The following IDUA variants were observed in gnomAD, a reference collection of about 807,000 sequenced individuals.
The protein encoded by IDUA is alpha-L-iduronidase, also known as iduronidase alpha-L-.
Under a neutral mutation model 68.9 loss-of-function variants are expected in IDUA, and 65 were observed. The observed-to-expected ratio is 0.94, with a 90% CI of 0.77 to 1.16. The LOEUF is 1.16. Among genes scored for constraint, IDUA ranks in the 50% most tolerant of loss-of-function variants. The pLI, the probability that IDUA is intolerant of heterozygous loss-of-function variation, is 0.00. For synonymous variants in IDUA, 529 were observed against 433.6 expected, an observed-to-expected ratio of 1.22 and a Z score of -2.73; for missense variants, 1,046 against 938.0, an observed-to-expected ratio of 1.12 and a Z score of -1.50.
intron 2 of IDUA, chr4:988,636 T>G: frequency 7.2e-7 from 1 of 1,382,016 alleles, no homozygotes; most frequent in East Asian, 2.7e-5. Flanking sequence ...GTTCTTGATT[T>G]CTGAGTGTTT....
chr4:990,511 C>A (rs986985565), intron 2 of IDUA: 3 of 752,544 alleles, frequency 4.0e-6, no homozygotes, highest in Non-Finnish European at 6.3e-6. Context: ...CCAGACTCCT[C>A]ACACGGGCCT....
chr4:1,000,653 T>G lies in IDUA; in HGVS notation c.341T>G (p.Leu114Arg), dbSNP rs775542391. The G allele has an allele frequency of 1.9e-6, 3 of 1,612,642 alleles. No individual in the cohort carries two copies. In the African/African-American group the frequency reaches 4.0e-5, roughly 22 times the overall value. Residue 114 changes from leucine (L) to arginine (R), a missense_variant, in exon 3 of 14, where the codon CTG (leucine) becomes CGG (arginine). Physicochemically the swap from Leu to Arg is moderately radical, Grantham distance 102. Transcript: ENST00000514224. ...GGCCTGAGCTACAACTTCACCCACC[T>G]GGACGGGTACCTGGACCTTCTCAGG... is the stretch of plus-strand genomic sequence containing the variant. ...GRGLSYNFTH[L>R]DGYLDLLREN...
At position 1,000,920 on chromosome 4, in the gene IDUA, G is replaced by C; in HGVS notation, c.424G>C (p.Asp142His). The C allele has an allele frequency of 6.2e-7, 1 of 1,613,518 alleles. No individual in the cohort carries two copies. Among genetic ancestry groups the C allele is most frequent in the Non-Finnish European group, 8.5e-7 (1 of 1,179,958 alleles). Residue 142 changes from aspartate to histidine, a missense_variant, in exon 4 of 14, where the codon GAC becomes CAC. Physicochemically the swap from Asp to His is moderately conservative, Grantham distance 81. Transcript: ENST00000514224. ...GGGCAGCGCCTCGGGCCACTTCACT[G>C]ACTTTGAGGACAAGCAGCAGGTGTT... is the stretch of plus-strand genomic sequence containing the variant. ...LMGSASGHFTDFEDKQQVFEW... is the reference protein window; with the variant it reads ...LMGSASGHFTHFEDKQQVFEW...
chr4:1,001,140 TTGG>T (rs1196262707), intron 4 of IDUA, 151 bp downstream of exon 4: 3 of 662,308 alleles, frequency 4.5e-6, no homozygotes, highest in Admixed American at 2.3e-5. Flanking sequence ...AAGGGATAGG[TTGG>T]TGGTCGGCGC....
At position 989,682 on chromosome 4, in the gene IDUA, G is replaced by A. The variant is rs759019369; in HGVS notation, c.299+1733G>A. On this transcript the variant is annotated intron_variant, in intron 2 of 13. Transcript: ENST00000514224. ...GCAGCACCAGCAGCACCACGGTGGCGCTGACCACGCTGGACAGCTGTGTCC... is the reference window on the plus strand; with the variant it reads ...GCAGCACCAGCAGCACCACGGTGGCACTGACCACGCTGGACAGCTGTGTCC... The A allele has an allele frequency of 1.2e-5, 18 of 1,565,066 alleles. No individual in the cohort carries two copies. Among genetic ancestry groups the A allele is most frequent in the African/African-American group, 5.4e-5 (4 of 74,076 alleles).
At chr4:997,744 G>T (rs1215018218) in intron 2 of IDUA, among the ~76,000 whole-genome samples, 1 of 152,188 alleles carries the variant, frequency 6.6e-6, no homozygotes, top group Non-Finnish European at 1.5e-5. Context: ...CCCAATGGGG[G>T]CCAGGCGGAG....
chr4:1,000,615 G>C lies in IDUA; in HGVS notation c.303G>C (p.Gly101=), dbSNP rs753784242. 1.2e-6 allele frequency: 2 copies of C among 1,611,774 alleles called. No homozygotes were observed. Among genetic ancestry groups the C allele is most frequent in the African/African-American group, 2.7e-5 (2 of 74,922 alleles). Residue 101 remains glycine, a synonymous_variant, in exon 3 of 14, where the codon GGG becomes GGC. Transcript: ENST00000514224. ...HWLLELVTTR[G]STGRGLSYNF... ...GACGCTGACCGTCCTTCTGCAGGGG[G>C]TCCACTGGACGGGGCCTGAGCTACA...
Position 1,002,436 on chromosome 4 carries a change from G to T in IDUA, c.1140G>T (p.Gln380His), listed in dbSNP as rs1280484403. ...ACAACACCCGCCCGCCGCACGTGCA[G>T]CTGTTGCGCAAGCCGGTGCTCACGG... ...QVNNTRPPHV[Q>H]LLRKPVLTAM... The change falls in exon 8 of 14, where the codon CAG becomes CAT. Residue 380 changes from glutamine (Q) to histidine (H), a missense_variant. Physicochemically the swap from Gln to His is conservative, Grantham distance 24. Coordinates refer to ENST00000514224, the MANE Select transcript of IDUA (RefSeq NM_000203.5). The T allele has an allele frequency of 2.0e-5, 31 of 1,563,688 alleles. No homozygotes were observed. Among genetic ancestry groups the T allele is most frequent in the Admixed American group, 5.8e-5 (3 of 51,846 alleles).
intron 4 of IDUA, 164 bp downstream of exon 4, chr4:1,001,153 C>A (rs563618692): frequency 1.5e-6 from 1 of 647,490 alleles, no homozygotes. Flanking sequence ...GTGGTCGGCG[C>A]AGGCCCTGGG....
rs959994477 is a variant in IDUA, at chr4:1,002,328, G to A, written c.1032G>A (p.Ala344=). 1.1e-5 allele frequency: 18 copies of A among 1,613,200 alleles called. No individual in the cohort carries two copies. Among genetic ancestry groups the A allele is most frequent in the Non-Finnish European group, 1.4e-5 (17 of 1,179,718 alleles). ...ACACCACCTCCGCCTTCCCCTACGC[G>A]CTCCTGAGCAACGACAATGCCTTCC... is the stretch of plus-strand genomic sequence containing the variant. The part of the protein sequence containing the change: ...LANTTSAFPY[A]LLSNDNAFLS... Residue 344 remains alanine, a synonymous_variant, in exon 8 of 14, where the codon GCG becomes GCA. Transcript: ENST00000514224.
Position 1,004,415 on chromosome 4 carries a change from G to T in IDUA, c.*22G>T, listed in dbSNP as rs1473838911. 6.2e-7 allele frequency: 1 copy of T among 1,608,584 alleles called. No individual in the cohort carries two copies. Reference sequence around the variant, plus strand: ...ATGAGCCTGTGCTGAGCCCCAGTGGGTTGCACCTCCACCGGCAGTCAGCGA... The same window carrying T: ...ATGAGCCTGTGCTGAGCCCCAGTGGTTTGCACCTCCACCGGCAGTCAGCGA... On this transcript the variant is annotated 3_prime_UTR_variant, in exon 14 of 14. Transcript: ENST00000514224. The surrounding 1 kb of genome is among the most constrained non-coding windows in gnomAD (Gnocchi z 5.0).
Position 1,000,870 on chromosome 4 carries a change from C to G in IDUA, c.386-12C>G. The G allele has an allele frequency of 1.9e-6, 3 of 1,608,670 alleles. No homozygotes were observed. Among genetic ancestry groups the G allele is most frequent in the Non-Finnish European group, 2.6e-6 (3 of 1,175,782 alleles). ...GTGTGGTGGGCGGTGGGGCAGCCCT[C>G]CTGTGTTCCAGGGTTTGAGCTGATG... On this transcript the variant is annotated splice_polypyrimidine_tract_variant and intron_variant, in intron 3 of 13. Coordinates refer to ENST00000514224, the MANE Select transcript of IDUA (RefSeq NM_000203.5).
chr4:987,665 C>T, intron 1 of IDUA, 144 bp from the exon 2 acceptor site: 2 of 1,482,100 alleles, frequency 1.3e-6, no homozygotes, highest in South Asian at 2.7e-5. Flanking sequence ...CATTCCTGGC[C>T]CTAAGGGTCA....
Position 1,002,482 on chromosome 4 carries a change from C to T in IDUA, c.1186C>T (p.Leu396=), listed in dbSNP as rs1011474273. The change falls in exon 8 of 14, where the codon CTG becomes TTG. Residue 396 remains leucine (L), a synonymous_variant. Transcript: ENST00000514224. The part of the protein sequence containing the change: ...VLTAMGLLAL[L]DEEQLWAEVS... ...CACGGCCATGGGGCTGCTGGCGCTG[C>T]TGGGTGAGCCGGGGCCGCTGGGGTG... is the stretch of plus-strand genomic sequence containing the variant. 2.0e-5 allele frequency: 30 copies of T among 1,536,710 alleles called. No homozygotes were observed. The highest frequency in any genetic ancestry group is 2.5e-5 in the Non-Finnish European group (28 of 1,141,180).
chr4:998,686 C>T (rs749204605), intron 2 of IDUA, among the ~76,000 whole-genome samples: 6 of 152,170 alleles, frequency 3.9e-5, no homozygotes, highest in South Asian at 2.1e-4. Flanking sequence ...AGATGTCCAA[C>T]TCCACATGGC....
In IDUA at chr4:1,001,758, C is replaced by G. The variant is rs1715092108; in HGVS notation, c.669C>G (p.Asp223Glu). 3 of 1,598,978 alleles carry G rather than the reference C, an allele frequency of 1.9e-6. No homozygotes were observed. Among genetic ancestry groups the G allele is most frequent in the African/African-American group, 2.7e-5 (2 of 74,888 alleles). ...SPALRLGGPG[D>E]SFHTPPRSPL... Reference sequence around the variant, plus strand: ...CCCTGCGGCTGGGAGGCCCCGGCGACTCCTTCCACACCCCACCGCGATCCC... The same window carrying G: ...CCCTGCGGCTGGGAGGCCCCGGCGAGTCCTTCCACACCCCACCGCGATCCC... The change falls in exon 6 of 14, where the codon GAC becomes GAG. Residue 223 changes from aspartate to glutamate, a missense_variant. Transcript: ENST00000514224.
In IDUA at chr4:988,876, C is replaced by T. The variant is rs148726880; in HGVS notation, c.299+927C>T. ...GGCCTCCAGCTCCCTGTGGCGGGCT[C>T]GTGCTGTCTGCACGGCATCGTGCAC... On this transcript the variant is annotated intron_variant, in intron 2 of 13. Transcript: ENST00000514224. The T allele has an allele frequency of 4.4e-5, 71 of 1,598,504 alleles. No individual in the cohort carries two copies. The highest frequency in any genetic ancestry group is 1.7e-4 in the Middle Eastern group (1 of 6,020).
intron 1 of IDUA, 101 bp downstream of exon 1, chr4:987,343 C>T (rs1713812766): frequency 4.3e-6 from 5 of 1,154,740 alleles, no homozygotes; most frequent in African/African-American, 1.6e-5. Context: ...GAGCTCCCTC[C>T]TCTGGGGCCC....
intron 2 of IDUA, chr4:991,069 G>A (rs1309756815): frequency 6.1e-6 from 9 of 1,478,682 alleles, no homozygotes; most frequent in Non-Finnish European, 8.1e-6. Flanking sequence ...CTCGTGGATG[G>A]CCAAAACCTA....
Sources: allele counts gnomAD v4.1 joint callset (sites outside exome capture counted in the v4.1 genomes callset), GRCh38; gene constraint gnomAD v4.1.1; non-coding constraint Gnocchi (gnomAD v3.1); transcripts MANE v1.5; gene names NCBI Gene and HGNC (gene_info 2026-07-23, HGNC 2026-07-21).